The following LOC122539214 variants were observed in gnomAD, a reference collection of about 807,000 sequenced individuals.
chr19:52,652,253 T>A, the LOC122539214 span: 105 of 232,712 alleles, frequency 4.5e-4, 2 homozygotes. Flanking sequence ...CAGGCCAACA[T>A]GGTGAAACCC....
At chr19:52,654,011 T>G in the LOC122539214 span, 3 of 1,538,138 alleles carry the variant, frequency 2.0e-6, no homozygotes, top group Non-Finnish European at 1.8e-6. Context: ...CAAGAAATTC[T>G]TTGGGATGTT....
the LOC122539214 span, among the ~76,000 whole-genome samples, chr19:52,662,716 GTA>G: frequency 6.6e-6 from 1 of 152,088 alleles, no homozygotes; most frequent in Non-Finnish European, 1.5e-5. Context: ...TTCCTCACCT[GTA>G]TATTACAGAT....
the LOC122539214 span, among the ~76,000 whole-genome samples, chr19:52,687,327 T>C: frequency 5.2e-5 from 7 of 134,048 alleles, no homozygotes; most frequent in South Asian, 1.5e-3. Flanking sequence ...TTTACAATTA[T>C]ATATATAGAT....
At chr19:52,661,763 C>G in the LOC122539214 span, among the ~76,000 whole-genome samples, 1 of 152,126 alleles carries the variant, frequency 6.6e-6, no homozygotes, top group Non-Finnish European at 1.5e-5. Flanking sequence ...TCACACAGAA[C>G]AGGTAACATG....
the LOC122539214 span, among the ~76,000 whole-genome samples, chr19:52,674,943 A>C: frequency 6.6e-6 from 1 of 152,148 alleles, no homozygotes; most frequent in Non-Finnish European, 1.5e-5. Context: ...CTGGTCTAAA[A>C]CTTCTGACAT....
the LOC122539214 span, chr19:52,654,181 C>T: frequency 1.9e-6 from 3 of 1,600,964 alleles, no homozygotes; most frequent in Non-Finnish European, 1.7e-6. Flanking sequence ...TCGGTCTGTA[C>T]TACCAGTCAA....
chr19:52,654,089 C>T, the LOC122539214 span: 6,105 of 1,601,488 alleles, frequency 3.8e-3, 17 homozygotes, highest in East Asian at 4.9e-3. Flanking sequence ...GTCTGAAATT[C>T]GTGCAGTTCA....
chr19:52,679,604 G>A, the LOC122539214 span, among the ~76,000 whole-genome samples: 1 of 151,994 alleles, frequency 6.6e-6, no homozygotes, highest in Non-Finnish European at 1.5e-5. Context: ...GAGGGAGACT[G>A]TATCTCAAAA....
chr19:52,653,706 G>A, the LOC122539214 span, among the ~76,000 whole-genome samples: 4 of 152,290 alleles, frequency 2.6e-5, no homozygotes, highest in East Asian at 3.9e-4. Context: ...ACTTGTGACC[G>A]AAGGTCTTGG....
the LOC122539214 span, among the ~76,000 whole-genome samples, chr19:52,661,302 C>A: frequency 2.0e-5 from 3 of 152,184 alleles, no homozygotes; most frequent in Non-Finnish European, 2.9e-5. Context: ...CACAGGAAGA[C>A]CTACAAGGGT....
chr19:52,683,080 A>AG, the LOC122539214 span, among the ~76,000 whole-genome samples: 101,597 of 152,004 alleles, frequency 0.67, 35,302 homozygotes, highest in African/African-American at 0.87. Context: ...CATGTTGGCC[A>AG]GCTGCTCTCA....
chr19:52,663,159 T>A, the LOC122539214 span, among the ~76,000 whole-genome samples: 1 of 151,432 alleles, frequency 6.6e-6, no homozygotes, highest in African/African-American at 2.4e-5. Context: ...TGACACTCCA[T>A]CTCAAAAAAG....
the LOC122539214 span, among the ~76,000 whole-genome samples, chr19:52,673,285 C>T: frequency 2.6e-3 from 403 of 152,206 alleles, 3 homozygotes; most frequent in Non-Finnish European, 4.0e-3. Context: ...TGGGTGGATC[C>T]CCTGAGGTCA....
At chr19:52,687,618 A>G in the LOC122539214 span, among the ~76,000 whole-genome samples, 11 of 24,234 alleles carry the variant, frequency 4.5e-4, 3 homozygotes, top group South Asian at 1.9e-3. Flanking sequence ...TATAATGTGT[A>G]TATATATATA....
At chr19:52,663,149 T>A in the LOC122539214 span, among the ~76,000 whole-genome samples, 1 of 151,484 alleles carries the variant, frequency 6.6e-6, no homozygotes, top group African/African-American at 2.4e-5. Flanking sequence ...GCTGACAGAG[T>A]GACACTCCAT....
the LOC122539214 span, among the ~76,000 whole-genome samples, chr19:52,684,931 G>T: frequency 6.6e-6 from 1 of 152,290 alleles, no homozygotes; most frequent in East Asian, 1.9e-4. Context: ...TGGGGAACAC[G>T]GGAAGCCGGT....
chr19:52,665,040 A>T, the LOC122539214 span, among the ~76,000 whole-genome samples: 4 of 152,348 alleles, frequency 2.6e-5, no homozygotes, highest in Non-Finnish European at 5.9e-5. Flanking sequence ...AATGCAAACT[A>T]GAATGCGAAA....
chr19:52,686,041 G>A, the LOC122539214 span, among the ~76,000 whole-genome samples: 3 of 151,888 alleles, frequency 2.0e-5, no homozygotes, highest in African/African-American at 7.2e-5. Context: ...CCCAGCTCAA[G>A]ATTTTAACAA....
chr19:52,669,209 A>G, the LOC122539214 span, among the ~76,000 whole-genome samples: 1 of 152,184 alleles, frequency 6.6e-6, no homozygotes, highest in Non-Finnish European at 1.5e-5. Flanking sequence ...TCAACCAGAG[A>G]AAGGAAAAAT....
Sources: allele counts gnomAD v4.1 joint callset (sites outside exome capture counted in the v4.1 genomes callset), GRCh38; gene constraint gnomAD v4.1.1; transcripts MANE v1.5.